MN1: variants seen among roughly 807,000 people sequenced by gnomAD.
The protein encoded by MN1 is MN1 proto-oncogene, transcriptional regulator.
Under a neutral mutation model 86.9 loss-of-function variants are expected in MN1, and 19 were observed. The observed-to-expected ratio is 0.22, with a 90% confidence interval of 0.15 to 0.32. MN1 has a LOEUF of 0.32. Among genes scored for constraint, MN1 ranks in the 10% least tolerant of loss-of-function variants. The pLI, the probability that MN1 is intolerant of heterozygous loss-of-function variation, is 1.00. For synonymous variants in MN1, 928 were observed against 849.6 expected (o/e 1.09, Z -1.60); for missense variants, 1,841 against 1,862.0 (o/e 0.99, Z 0.21).
At position 27,751,106 on chromosome 22, in the gene MN1, G is replaced by C. The variant is rs898835611; in HGVS notation, c.3782-10C>G. On this transcript the variant is annotated splice_polypyrimidine_tract_variant and intron_variant, in intron 1 of 1. Coordinates refer to ENST00000302326, the MANE Select transcript of MN1 (RefSeq NM_002430.3). ...GCAGGGAGGTCGTGGGCTGTGGAGAGAGAAGGAAGAGAGGACATTAGTGGC... is the reference window on the plus strand; with the variant it reads ...GCAGGGAGGTCGTGGGCTGTGGAGACAGAAGGAAGAGAGGACATTAGTGGC... 6.5e-7 allele frequency: 1 copy of C among 1,547,682 alleles called. No individual in the cohort carries two copies. The highest frequency in any genetic ancestry group is 1.9e-5 in the Admixed American group (1 of 51,810).
chr22:27,774,271 A>T (rs1466547950), intron 1 of MN1, among the ~76,000 whole-genome samples: 1 of 152,222 alleles, frequency 6.6e-6, no homozygotes, highest in Non-Finnish European at 1.5e-5. Context: ...GGCCAGCAAG[A>T]TAGATTCTAA....
chr22:27,799,657 T>G lies in MN1; in HGVS notation c.887A>C (p.Gln296Pro), dbSNP rs1426476119. ...CTGGGGCTGCTGCTGCTGCTGGGGC[T>G]GCTGCTGCGGTGGCTGGGCGTGCAT... ...SKMHAQPPQQ[Q>P]PQQQQQPQQQ... The change falls in exon 1 of 2, where the codon CAG becomes CCG. Residue 296 changes from glutamine (Q) to proline (P), a missense_variant. Physicochemically the swap from Gln to Pro is moderately conservative, Grantham distance 76. Coordinates refer to ENST00000302326, the MANE Select transcript of MN1 (RefSeq NM_002430.3). 2 of 1,550,340 alleles carry G rather than the reference T, an allele frequency of 1.3e-6. No individual in the cohort carries two copies. The highest frequency in any genetic ancestry group is 2.4e-5 in the East Asian group (1 of 41,062).
chr22:27,770,824 CTT>C (rs879531754), intron 1 of MN1, among the ~76,000 whole-genome samples: 1 of 144,232 alleles, frequency 6.9e-6, no homozygotes, highest in Non-Finnish European at 1.5e-5. Context: ...TGCCTGGCTA[CTT>C]TTTTTTTTTT....
At chr22:27,762,026 G>A (rs45458493) in intron 1 of MN1, among the ~76,000 whole-genome samples, 6 of 152,180 alleles carry the variant, frequency 3.9e-5, no homozygotes, top group Non-Finnish European at 8.8e-5. Flanking sequence ...CATGACAGCC[G>A]CGGACGGCAG....
intron 1 of MN1, among the ~76,000 whole-genome samples, chr22:27,790,209 T>C (rs1933191797): frequency 6.6e-6 from 1 of 152,184 alleles, no homozygotes; most frequent in African/African-American, 2.4e-5. Flanking sequence ...CAAAAGTCCC[T>C]CCCCACACAA....
At chr22:27,773,223 A>C (rs1220605055) in intron 1 of MN1, among the ~76,000 whole-genome samples, 5 of 151,620 alleles carry the variant, frequency 3.3e-5, no homozygotes, top group Admixed American at 1.3e-4. Flanking sequence ...CCCGAGGCCC[A>C]AGGGGGGTCT....
chr22:27,775,601 GC>G (rs1387608876), intron 1 of MN1, among the ~76,000 whole-genome samples: 1 of 152,176 alleles, frequency 6.6e-6, no homozygotes, highest in East Asian at 1.9e-4. Flanking sequence ...ACCCACAGGT[GC>G]TCAGGACGTG....
Position 27,798,690 on chromosome 22 carries a change from G to C in MN1, c.1854C>G (p.Phe618Leu), listed in dbSNP as rs529726950. 4 of 1,539,150 alleles carry C rather than the reference G, an allele frequency of 2.6e-6. No individual in the cohort carries two copies. Among genetic ancestry groups the C allele is most frequent in the South Asian group, 1.2e-5 (1 of 84,084 alleles). Residue 618 changes from phenylalanine (F) to leucine (L), a missense_variant, in exon 1 of 2, where the codon TTC (phenylalanine) becomes TTG (leucine). Transcript: ENST00000302326. ...GSTGAGRLGT[F>L]EQQAPHLAQE... Reference sequence around the variant, plus strand: ...GCGCCAAGTGCGGCGCCTGCTGCTCGAAGGTGCCCAGACGCCCGGCGCCCG... The same window carrying C: ...GCGCCAAGTGCGGCGCCTGCTGCTCCAAGGTGCCCAGACGCCCGGCGCCCG...
At chr22:27,760,913 GTGAA>G (rs1932830350) in intron 1 of MN1, among the ~76,000 whole-genome samples, 1 of 152,238 alleles carries the variant, frequency 6.6e-6, no homozygotes, top group South Asian at 2.1e-4. Context: ...GTCGGTCACA[GTGAA>G]TGACTCCAAC....
Position 27,749,142 on chromosome 22 carries a change from A to C in MN1, c.*1773T>G, listed in dbSNP as rs1601318412. 1 of 231,984 alleles carries C rather than the reference A, an allele frequency of 4.3e-6. No homozygotes were observed. Among genetic ancestry groups the C allele is most frequent in the East Asian group, 6.1e-5 (1 of 16,424 alleles). 14.4% of individuals were successfully genotyped at this position (231,984 alleles called of 1,614,324 possible). ...GCCCAGGCGAGAACCGCAGACTCAG[A>C]CCCCAGCCAAAAGGACCGGCAGAAG... On this transcript the variant is annotated 3_prime_UTR_variant, in exon 2 of 2. Coordinates refer to ENST00000302326, the MANE Select transcript of MN1 (RefSeq NM_002430.3).
intron 1 of MN1, among the ~76,000 whole-genome samples, chr22:27,767,757 G>A (rs1309468017): frequency 2.6e-5 from 4 of 152,144 alleles, no homozygotes; most frequent in Non-Finnish European, 5.9e-5. Flanking sequence ...TGGGTGGGTG[G>A]AGGTGTTGGT....
rs1601318952 is a variant in MN1, at chr22:27,750,116, C to G, written c.*799G>C. The G allele has an allele frequency of 8.6e-6, 2 of 232,006 alleles. No homozygotes were observed. Among genetic ancestry groups the G allele is most frequent in the Non-Finnish European group, 1.7e-5 (2 of 117,358 alleles). The allele number at this position is 232,006 out of a possible 1,614,324, so 14.4% of individuals were successfully genotyped here. A position where few individuals can be genotyped will look rare whatever the true frequency, so the allele number is the denominator to read the frequency against. On this transcript the variant is annotated 3_prime_UTR_variant, in exon 2 of 2. Transcript: ENST00000302326. ...AGAGAAAACACTGCTGTCGAACATT[C>G]CAACTCCTTCCCACAGAGCAGAGCT...
intron 1 of MN1, among the ~76,000 whole-genome samples, chr22:27,774,873 C>T (rs1456842074): frequency 1.3e-5 from 2 of 152,148 alleles, no homozygotes; most frequent in African/African-American, 4.8e-5. Context: ...CCCCTGTCAC[C>T]CTGACAATAC....
In MN1 at chr22:27,758,378, T is replaced by C. The variant is rs2267108; in HGVS notation, c.3782-7282A>G. Among the ~76,000 whole-genome samples, 537 of 152,304 alleles carry C rather than the reference T, an allele frequency of 3.5e-3. 22 individuals are homozygous for C. In the East Asian group the frequency reaches 0.085, roughly 24 times the overall value. On this transcript the variant is annotated intron_variant, in intron 1 of 1. Transcript: ENST00000302326. ...TGTCAGCCCCATGGCGATGTTTCTC[T>C]AACACCCCTACTCTGAGATGTGCAT...
chr22:27,775,341 C>T (rs149051317), intron 1 of MN1, among the ~76,000 whole-genome samples: 82 of 152,240 alleles, frequency 5.4e-4, no homozygotes, highest in Non-Finnish European at 1.1e-3. Context: ...GTGGGAGTGG[C>T]CAGGGGTTCT....
intron 1 of MN1, among the ~76,000 whole-genome samples, chr22:27,768,069 A>G (rs1053050750): frequency 4.6e-5 from 7 of 152,052 alleles, no homozygotes; most frequent in African/African-American, 1.7e-4. Context: ...CTTTTTCCCC[A>G]CACCAGAAAG....
chr22:27,784,327 A>G (rs962347586), intron 1 of MN1, among the ~76,000 whole-genome samples: 6 of 152,034 alleles, frequency 3.9e-5, no homozygotes, highest in African/African-American at 1.2e-4. Flanking sequence ...ACACCCCCAT[A>G]TCCACCCAAA....
At chr22:27,792,762 C>T (rs1933231170) in intron 1 of MN1, among the ~76,000 whole-genome samples, 1 of 152,130 alleles carries the variant, frequency 6.6e-6, no homozygotes, top group Non-Finnish European at 1.5e-5. Flanking sequence ...AGGCATACAA[C>T]TCGTGCTGGG....
chr22:27,799,959 C>G lies in MN1; in HGVS notation c.585G>C (p.Gln195His). The change falls in exon 1 of 2, where the codon CAG becomes CAC. Residue 195 changes from glutamine (Q) to histidine (H), a missense_variant. Physicochemically the swap from Gln to His is conservative, Grantham distance 24. Transcript: ENST00000302326. ...AVPAPCLPLD[Q>H]SPNRAASFHG... ...GGAAGGAGGCGGCTCGGTTAGGGCT[C>G]TGGTCCAGCGGCAGGCATGGGGCCG... 1 of 1,603,378 alleles carries G rather than the reference C, an allele frequency of 6.2e-7. No homozygotes were observed. The highest frequency in any genetic ancestry group is 1.1e-5 in the South Asian group (1 of 90,608).
Sources: allele counts gnomAD v4.1 joint callset (sites outside exome capture counted in the v4.1 genomes callset), GRCh38; gene constraint gnomAD v4.1.1; transcripts MANE v1.5; gene names NCBI Gene and HGNC (gene_info 2026-07-23, HGNC 2026-07-21).